The following GRIN2D variants were observed in gnomAD, a reference collection of about 807,000 sequenced individuals.
GRIN2D encodes the protein glutamate ionotropic receptor NMDA type subunit 2D.
Under a neutral mutation model 103.2 loss-of-function variants are expected in GRIN2D, and 37 were observed. The observed-to-expected ratio is 0.36, with a 90% confidence interval of 0.28 to 0.47. The LOEUF (loss-of-function observed/expected upper bound fraction) is 0.47, where lower values mean the gene tolerates loss of function less well. Ranked by LOEUF, GRIN2D falls within the 20% of genes least tolerant of loss-of-function variation. The probability of loss-of-function intolerance (pLI) is 1.00; values close to 1 mark genes in which losing one functional copy is unlikely to be tolerated. For missense variants in GRIN2D, 1,557 were observed against 1,910.6 expected, an observed-to-expected ratio of 0.81 and a Z score of 3.45; for synonymous variants, 845 against 885.6, an observed-to-expected ratio of 0.95 and a Z score of 0.81.
Position 48,421,511 on chromosome 19 carries a change from G to C in GRIN2D, c.2092-274G>C, listed in dbSNP as rs926079643. Among the ~76,000 whole-genome samples, 2 of 152,096 alleles carry C rather than the reference G, an allele frequency of 1.3e-5. No homozygotes were observed. The highest frequency in any genetic ancestry group is 2.9e-5 in the Non-Finnish European group (2 of 68,028). ...CCTGCCATGCCAGCCTCTACTCCCA[G>C]GACCTCCCGCGATTCAGTAAGTGAA... On this transcript the variant is annotated intron_variant, in intron 10 of 13. Transcript: ENST00000263269. The surrounding 1 kb of genome is among the most constrained non-coding windows in gnomAD (Gnocchi z 4.8).
chr19:48,431,127 T>G (rs968604959), intron 11 of GRIN2D, among the ~76,000 whole-genome samples: 4 of 152,212 alleles, frequency 2.6e-5, no homozygotes, highest in Non-Finnish European at 4.4e-5. Flanking sequence ...CTTGTCAATT[T>G]CATCTTATTG....
chr19:48,416,745 C>CTCT lies in GRIN2D; in HGVS notation c.1735+591_1735+592insCTT, dbSNP rs369470722. Among the ~76,000 whole-genome samples the CTCT allele has an allele frequency of 9.9e-5, 14 of 141,198 alleles. No individual in the cohort carries two copies. In the East Asian group the frequency reaches 1.0e-3, roughly 11 times the overall value. 92.6% of individuals were successfully genotyped at this position (141,198 alleles called of 152,430 possible). A position where few individuals can be genotyped will look rare whatever the true frequency, so the allele number is the denominator to read the frequency against. On this transcript the variant is annotated intron_variant, in intron 8 of 13. Transcript: ENST00000263269. ...AGCTTCTACTTCTCTCTCTCTCTCTCTTTTTTTTTTTTTCAGACAGAGTCT... is the reference window on the plus strand; with the variant it reads ...AGCTTCTACTTCTCTCTCTCTCTCTCTCTTTTTTTTTTTTTTCAGACAGAGTCT...
Position 48,442,138 on chromosome 19 carries a change from GC to G in GRIN2D, c.2441-8del. On this transcript the variant is annotated splice_polypyrimidine_tract_variant and intron_variant, in intron 12 of 13. Coordinates refer to ENST00000263269, the MANE Select transcript of GRIN2D (RefSeq NM_000836.4). The surrounding 1 kb of genome is among the most constrained non-coding windows in gnomAD (Gnocchi z 7.2). ...TACTCATAGCAGGTGACTTTTGACC[GC>G]CCCTCCCTAGATGAGATCGAGATGC... 6.2e-7 allele frequency: 1 copy of G among 1,612,210 alleles called. No homozygotes were observed.
intron 2 of GRIN2D, among the ~76,000 whole-genome samples, chr19:48,395,353 A>G (rs558378918): frequency 8.6e-5 from 13 of 150,644 alleles, no homozygotes; most frequent in Admixed American, 6.6e-4. Context: ...TGAGTCTGCT[A>G]TTAATACCCC....
In GRIN2D at chr19:48,414,042, C is replaced by T; in HGVS notation, c.1137C>T (p.Asp379=). The T allele has an allele frequency of 1.9e-6, 3 of 1,613,156 alleles. No individual in the cohort carries two copies. The highest frequency in any genetic ancestry group is 1.1e-5 in the South Asian group (1 of 91,068). The part of the protein sequence containing the change: ...WDNRDYSFNE[D]GFLVNPSLVV... ...ACCGGGATTACTCCTTCAATGAGGA[C>T]GGCTTCCTAGTGAACCCCTCCCTGG... The change falls in exon 5 of 14, where the codon GAC becomes GAT. Residue 379 remains aspartate, a synonymous_variant. Coordinates refer to ENST00000263269, the MANE Select transcript of GRIN2D (RefSeq NM_000836.4). The surrounding 1 kb of genome is among the most constrained non-coding windows in gnomAD (Gnocchi z 4.6).
intron 11 of GRIN2D, among the ~76,000 whole-genome samples, chr19:48,431,454 C>T (rs1022996504): frequency 6.6e-6 from 1 of 152,134 alleles, no homozygotes; most frequent in East Asian, 1.9e-4. Flanking sequence ...CTATTGTTTT[C>T]TAATATCCAG....
chr19:48,415,911 T>G, intron 7 of GRIN2D, 91 bp from the exon 8 acceptor site: 2 of 1,177,472 alleles, frequency 1.7e-6, no homozygotes, highest in South Asian at 2.5e-5. Flanking sequence ...GTCACTGGTC[T>G]GCTCCCGGGG....
chr19:48,410,760 A>T (rs985983265), intron 4 of GRIN2D, among the ~76,000 whole-genome samples: 7 of 151,894 alleles, frequency 4.6e-5, no homozygotes, highest in African/African-American at 1.7e-4. Context: ...GGAGGCTGGG[A>T]TGAGGGCCTA....
At position 48,405,205 on chromosome 19, in the gene GRIN2D, CG is replaced by C; in HGVS notation, c.940del (p.Asp314MetfsTer13). On this transcript the variant is annotated frameshift_variant, in exon 4 of 14. Coordinates refer to ENST00000263269, the MANE Select transcript of GRIN2D (RefSeq NM_000836.4). LOFTEE classifies it high-confidence loss of function. This position sits in a 1 kb window ranked among gnomAD's most constrained non-coding sequence, Gnocchi z 5.1. ...GTTTGCAGTGCGCTCGGCTGGCTGG[CG>C]GGATGACCTGGCTCGGCGAGTGGCA... ...GLFAVRSAGW[R>X]DDLARRVAAG... is the part of the protein sequence containing the mutation. 1 of 1,602,914 alleles carries C rather than the reference CG, an allele frequency of 6.2e-7. No homozygotes were observed. The highest frequency in any genetic ancestry group is 8.5e-7 in the Non-Finnish European group (1 of 1,178,160).
At chr19:48,424,012 T>G (rs558672040) in intron 11 of GRIN2D, among the ~76,000 whole-genome samples, 1 of 152,052 alleles carries the variant, frequency 6.6e-6, no homozygotes, top group East Asian at 1.9e-4. Context: ...AGAGATGAGG[T>G]TTCACCATGT....
At chr19:48,401,437 G>C (rs1183337136) in intron 3 of GRIN2D, among the ~76,000 whole-genome samples, 1 of 152,210 alleles carries the variant, frequency 6.6e-6, no homozygotes, top group African/African-American at 2.4e-5. Context: ...GCCTCCCTGA[G>C]GCGGTGACAC....
At chr19:48,432,272 C>A (rs1184824085) in intron 11 of GRIN2D, among the ~76,000 whole-genome samples, 4 of 146,988 alleles carry the variant, frequency 2.7e-5, no homozygotes, top group Non-Finnish European at 4.5e-5. Context: ...CCAGGCTGGT[C>A]TTGAACTCCT....
At chr19:48,417,750 C>G (rs1046122506) in intron 8 of GRIN2D, among the ~76,000 whole-genome samples, 6 of 152,188 alleles carry the variant, frequency 3.9e-5, no homozygotes, top group Admixed American at 3.9e-4. Flanking sequence ...GTGTCCCCAG[C>G]TGCCGCAGTG....
At chr19:48,418,145 T>C (rs1228296253) in intron 8 of GRIN2D, among the ~76,000 whole-genome samples, 4 of 151,068 alleles carry the variant, frequency 2.6e-5, no homozygotes, top group Non-Finnish European at 1.5e-5. Flanking sequence ...GCAATTCTCC[T>C]GCCTCAGCCT....
At chr19:48,425,915 T>C (rs1971080060) in intron 11 of GRIN2D, among the ~76,000 whole-genome samples, 1 of 152,148 alleles carries the variant, frequency 6.6e-6, no homozygotes, top group Non-Finnish European at 1.5e-5. Context: ...ATTTCCCGGC[T>C]TCTCATAAAG....
chr19:48,435,481 G>A (rs916951485), intron 11 of GRIN2D, among the ~76,000 whole-genome samples: 1 of 151,948 alleles, frequency 6.6e-6, no homozygotes, highest in African/African-American at 2.4e-5. Flanking sequence ...GTAGCAACAG[G>A]GTTTCGCCAT....
intron 3 of GRIN2D, among the ~76,000 whole-genome samples, chr19:48,399,980 C>G (rs1970690220): frequency 6.6e-6 from 1 of 151,950 alleles, no homozygotes; most frequent in Non-Finnish European, 1.5e-5. Context: ...GGGGCATACC[C>G]CGCTGTGAGG....
intron 11 of GRIN2D, among the ~76,000 whole-genome samples, chr19:48,424,350 A>G (rs981885614): frequency 1.4e-5 from 2 of 142,936 alleles, no homozygotes; most frequent in African/African-American, 5.3e-5. Context: ...GGCTCACTGC[A>G]AGCGCCGCCT....
At chr19:48,407,103 G>C (rs1970802347) in intron 4 of GRIN2D, among the ~76,000 whole-genome samples, 1 of 151,420 alleles carries the variant, frequency 6.6e-6, no homozygotes, top group African/African-American at 2.4e-5. Context: ...TCAGCCTCCT[G>C]AGTAGCTGGG....
Sources: allele counts gnomAD v4.1 joint callset (sites outside exome capture counted in the v4.1 genomes callset), GRCh38; gene constraint gnomAD v4.1.1; non-coding constraint Gnocchi (gnomAD v3.1); transcripts MANE v1.5; gene names NCBI Gene and HGNC (gene_info 2026-07-23, HGNC 2026-07-21).